The following P4HA1 variants were observed in gnomAD, a reference collection of about 807,000 sequenced individuals.
The protein encoded by P4HA1 is prolyl 4-hydroxylase subunit alpha-1.
A neutral mutation model predicts 72.8 loss-of-function variants in P4HA1; 24 were observed. The observed-to-expected ratio is 0.33, with a 90% CI of 0.24 to 0.46. The LOEUF (loss-of-function observed/expected upper bound fraction) is 0.46. Among genes scored for constraint, P4HA1 ranks in the 20% least tolerant of loss-of-function variants. P4HA1 has a pLI of 1.00. For missense variants in P4HA1, 446 were observed against 640.6 expected (o/e 0.70, Z 3.28); for synonymous variants, 201 against 218.8 (o/e 0.92, Z 0.72).
chr10:73,010,192 T>C (rs1337108892), intron 13 of P4HA1, among the ~76,000 whole-genome samples: 1 of 152,096 alleles, frequency 6.6e-6, no homozygotes, highest in Admixed American at 6.5e-5. Context: ...GGTCTCGAAC[T>C]CCTAACCTCA....
chr10:73,058,786 T>G (rs1398087694), intron 5 of P4HA1, among the ~76,000 whole-genome samples: 2 of 150,556 alleles, frequency 1.3e-5, no homozygotes, highest in East Asian at 3.9e-4. Flanking sequence ...TTTTTTTTTT[T>G]TTTTTTTTGA....
chr10:73,061,055 C>T (rs1481998632), intron 5 of P4HA1, among the ~76,000 whole-genome samples: 1 of 152,194 alleles, frequency 6.6e-6, no homozygotes, highest in South Asian at 2.1e-4. Context: ...CATTTTGTAA[C>T]CCCTAATGAA....
intron 1 of P4HA1, among the ~76,000 whole-genome samples, chr10:73,075,831 AAAGTTCT>A: frequency 6.6e-6 from 1 of 152,110 alleles, no homozygotes; most frequent in South Asian, 2.1e-4. Context: ...TCATCCTCCC[AAAGTTCT>A]AGGGTTACAG....
At chr10:73,034,653 T>C (rs1221528416) in intron 9 of P4HA1, among the ~76,000 whole-genome samples, 1 of 147,926 alleles carries the variant, frequency 6.8e-6, no homozygotes, top group Admixed American at 6.8e-5. Context: ...AGTGATGCAA[T>C]CTTGGCTCAC....
At chr10:73,063,255 G>A (rs1314465364) in intron 5 of P4HA1, among the ~76,000 whole-genome samples, 1 of 152,192 alleles carries the variant, frequency 6.6e-6, no homozygotes, top group Non-Finnish European at 1.5e-5. Flanking sequence ...AGTGAGGGCT[G>A]CTCTCCACTT....
In P4HA1 at chr10:73,014,257, C is replaced by A. The variant is rs760624276; in HGVS notation, c.1335G>T (p.Gly445=). The change falls in exon 12 of 15, where the codon GGG becomes GGT. Residue 445 remains glycine (G), a synonymous_variant. Coordinates refer to ENST00000394890, the MANE Select transcript of P4HA1 (RefSeq NM_001017962.3). ...GCCATGTAGCAATTCTATTTCCTGT[C>A]CCCAGCTCTTTGAAAGCATCTGGCT... ...KDEPDAFKEL[G]TGNRIATWLF... is the part of the protein sequence containing the mutation. 6 of 1,613,268 alleles carry A rather than the reference C, an allele frequency of 3.7e-6. No individual in the cohort carries two copies. The highest frequency in any genetic ancestry group is 5.1e-6 in the Non-Finnish European group (6 of 1,179,300).
chr10:73,070,134 G>A (rs955604244), intron 4 of P4HA1, among the ~76,000 whole-genome samples: 3 of 127,890 alleles, frequency 2.3e-5, no homozygotes, highest in African/African-American at 8.5e-5. Flanking sequence ...AACAGCAAGA[G>A]ACCAGGCCTT....
At chr10:73,030,200 A>G in intron 10 of P4HA1, 71 bp downstream of exon 10, 3 of 659,520 alleles carry the variant, frequency 4.5e-6, no homozygotes, top group Non-Finnish European at 7.4e-6. Flanking sequence ...CTGCCTGTTC[A>G]GTGTCAGGAA....
rs774458935 is a variant in P4HA1, at chr10:73,051,018, C to A, written c.900+35G>T. 3 of 1,440,056 alleles carry A rather than the reference C, an allele frequency of 2.1e-6. No homozygotes were observed. The East Asian group carries it at 6.8e-5, about 33-fold the overall frequency. The allele number at this position is 1,440,056 out of a possible 1,614,324, so 89.2% of individuals were successfully genotyped here. ...CTGTGTACAAACACATACACACACA[C>A]ATTCACATACACACAATTGGCTTTT... On this transcript the variant is annotated intron_variant, in intron 7 of 14. Transcript: ENST00000394890.
intron 4 of P4HA1, among the ~76,000 whole-genome samples, chr10:73,069,777 C>T (rs540802977): frequency 6.6e-6 from 1 of 150,870 alleles, no homozygotes; most frequent in African/African-American, 2.4e-5. Flanking sequence ...ATGAGACTTC[C>T]CTCTCTTCTC....
intron 9 of P4HA1, among the ~76,000 whole-genome samples, chr10:73,037,525 C>CTATATATATA (rs869107512): frequency 6.1e-4 from 21 of 34,300 alleles, no homozygotes; most frequent in Admixed American, 1.5e-3. Flanking sequence ...TCGAAAACCA[C>CTATATATATA]TATATATATA....
In P4HA1 at chr10:73,068,448, G is replaced by C. The variant is rs561544314; in HGVS notation, c.463+398C>G. 7.9e-5 allele frequency among the ~76,000 whole-genome samples: 12 copies of C among 152,246 alleles called. No homozygotes were observed. In the East Asian group the frequency reaches 2.1e-3, roughly 27 times the overall value. On this transcript the variant is annotated intron_variant, in intron 5 of 14. Transcript: ENST00000394890. The stretch of plus-strand genomic sequence containing the variant: ...CTATGGAACACTTTAAACATATGTG[G>C]ATACCCAAAACATCTTGGCTTTTAA...
chr10:73,084,437 G>T (rs1045093530), intron 1 of P4HA1, among the ~76,000 whole-genome samples: 2 of 152,088 alleles, frequency 1.3e-5, no homozygotes, highest in African/African-American at 4.8e-5. Flanking sequence ...GGACTACAGG[G>T]CTTGTGCCAC....
At chr10:73,066,343 A>C (rs767362793) in intron 5 of P4HA1, among the ~76,000 whole-genome samples, 1 of 152,236 alleles carries the variant, frequency 6.6e-6, no homozygotes, top group African/African-American at 2.4e-5. Flanking sequence ...AAAGCACCTG[A>C]GAAAGAATGA....
chr10:73,029,717 TC>T (rs1840390143), intron 10 of P4HA1, among the ~76,000 whole-genome samples: 1 of 151,892 alleles, frequency 6.6e-6, no homozygotes, highest in Non-Finnish European at 1.5e-5. Context: ...TAACTAACAT[TC>T]CTATATATAC....
intron 11 of P4HA1, among the ~76,000 whole-genome samples, chr10:73,015,877 G>GTT (rs113800763): frequency 1.0e-3 from 146 of 144,928 alleles, no homozygotes; most frequent in South Asian, 5.8e-3. Context: ...TAGGTGTTTG[G>GTT]TTTTTTTTTT....
intron 7 of P4HA1, among the ~76,000 whole-genome samples, chr10:73,050,391 T>C (rs1283794533): frequency 1.3e-5 from 2 of 150,930 alleles, no homozygotes; most frequent in African/African-American, 2.5e-5. Context: ...GAGAATGGTA[T>C]ACTGTAATTT....
intron 10 of P4HA1, among the ~76,000 whole-genome samples, chr10:73,020,444 C>CA (rs1420240571): frequency 1.3e-5 from 2 of 151,744 alleles, no homozygotes; most frequent in African/African-American, 2.4e-5. Context: ...ACCTACTAAC[C>CA]AAAAAAAGCT....
intron 9 of P4HA1, among the ~76,000 whole-genome samples, chr10:73,038,109 G>T (rs553858160): frequency 6.6e-6 from 1 of 152,042 alleles, no homozygotes; most frequent in African/African-American, 2.4e-5. Context: ...ACAAAACTTA[G>T]CTGGGCATGG....
Sources: gnomAD v4.1 joint callset for allele counts (sites outside exome capture counted in the v4.1 genomes callset) on GRCh38, gnomAD v4.1.1 for gene constraint, MANE v1.5 for transcripts, NCBI Gene and HGNC (gene_info 2026-07-23, HGNC 2026-07-21) for gene names.